Variants in CD59 observed in about 807,000 individuals in gnomAD.
CD59 encodes the protein CD59 molecule (CD59 blood group).
A neutral mutation model predicts 7.0 loss-of-function variants in CD59; 3 were observed. That is an observed-to-expected ratio of 0.43 (90% CI 0.19 to 1.10). CD59 has a LOEUF of 1.10. Among genes scored for constraint, CD59 ranks in the 50% least tolerant of loss-of-function variants. The probability of loss-of-function intolerance (pLI) is 0.29; values close to 1 mark genes in which losing one functional copy is unlikely to be tolerated. For missense variants in CD59, 143 were observed against 151.0 expected (o/e 0.95, Z 0.28); for synonymous variants, 60 against 62.0 (o/e 0.97, Z 0.15).
intron 2 of CD59, among the ~76,000 whole-genome samples, chr11:33,720,437 G>A (rs896310844): frequency 1.1e-4 from 16 of 152,306 alleles, no homozygotes; most frequent in African/African-American, 2.6e-4. Flanking sequence ...AATGGCTCAC[G>A]CCTGTAATCC....
chr11:33,732,898 T>G (rs1440631450), intron 1 of CD59, among the ~76,000 whole-genome samples: 1 of 152,196 alleles, frequency 6.6e-6, no homozygotes, highest in Non-Finnish European at 1.5e-5. Flanking sequence ...TATTTTGGAT[T>G]ATTCAATGGG....
intron 1 of CD59, 72 bp from the exon 2 acceptor site, chr11:33,722,535 TG>T: frequency 1.1e-5 from 17 of 1,589,188 alleles, no homozygotes; most frequent in Non-Finnish European, 1.5e-5. Flanking sequence ...AACCAAGGGC[TG>T]GAAGGCCAAG....
intron 1 of CD59, chr11:33,731,518 G>T (rs1238459204): frequency 2.6e-5 from 4 of 152,160 alleles, no homozygotes; most frequent in African/African-American, 9.7e-5. Context: ...AAACTTTAGG[G>T]AGCATCAGAA....
At chr11:33,731,846 C>A (rs960939349) in intron 1 of CD59, among the ~76,000 whole-genome samples, 1 of 152,212 alleles carries the variant, frequency 6.6e-6, no homozygotes, top group Non-Finnish European at 1.5e-5. Flanking sequence ...TTAGGCAAGA[C>A]CTTGTGATAT....
chr11:33,722,625 G>A (rs900199599), intron 1 of CD59, 162 bp from the exon 2 acceptor site: 2 of 1,495,018 alleles, frequency 1.3e-6, no homozygotes, highest in East Asian at 2.6e-5. Context: ...CTGACCCACA[G>A]CACCATATAC....
intron 2 of CD59, among the ~76,000 whole-genome samples, chr11:33,721,619 T>C (rs1268527183): frequency 6.6e-6 from 1 of 152,156 alleles, no homozygotes; most frequent in Non-Finnish European, 1.5e-5. Flanking sequence ...TTTCCACTGT[T>C]ATAGAAGTTG....
rs1853416445 is a variant in CD59, at chr11:33,708,684, T to G, written c.*1442A>C. On this transcript the variant is annotated 3_prime_UTR_variant, in exon 4 of 4. Coordinates refer to ENST00000642928, the MANE Select transcript of CD59 (RefSeq NM_000611.6). ...AGAGCACCAAGGTAATGCTAAGTTT[T>G]GATAAGCAAGTTTCTATTTTCCTAT... The G allele has an allele frequency of 2.0e-5, 3 of 152,136 alleles. No individual in the cohort carries two copies. The highest frequency in any genetic ancestry group is 6.5e-5 in the Admixed American group (1 of 15,270). 9.4% of individuals were successfully genotyped at this position (152,136 alleles called of 1,614,324 possible). A position where few individuals can be genotyped will look rare whatever the true frequency, so the allele number is the denominator to read the frequency against.
At chr11:33,716,737 A>T (rs920295158) in intron 3 of CD59, among the ~76,000 whole-genome samples, 1 of 152,130 alleles carries the variant, frequency 6.6e-6, no homozygotes, top group African/African-American at 2.4e-5. Flanking sequence ...CCATCCCCAA[A>T]TTCATGAGCA....
chr11:33,717,728 C>G, intron 2 of CD59: 1 of 442,352 alleles, frequency 2.3e-6, no homozygotes, highest in South Asian at 2.1e-5. Context: ...TTCCTCCTAA[C>G]CTGCAACTGG....
intron 1 of CD59, among the ~76,000 whole-genome samples, chr11:33,733,777 C>T (rs1274934934): frequency 1.3e-5 from 2 of 152,220 alleles, no homozygotes; most frequent in Non-Finnish European, 1.5e-5. Flanking sequence ...TTCTGAAATA[C>T]ATTAGTTAAG....
In CD59 at chr11:33,710,258, C is replaced by A. The variant is rs534375493; in HGVS notation, c.255G>T (p.Thr85=). The A allele has an allele frequency of 2.5e-6, 4 of 1,614,148 alleles. No individual in the cohort carries two copies. The South Asian group carries it at 3.3e-5, about 13-fold the overall frequency. ...VTTRLRENEL[T]YYCCKKDLCN... ...ACAGGTCCTTCTTGCAGCAGTAGTACGTTAGCTCATTTTCCCTCAAGCGGG... is the reference window on the plus strand; with the variant it reads ...ACAGGTCCTTCTTGCAGCAGTAGTAAGTTAGCTCATTTTCCCTCAAGCGGG... The change falls in exon 4 of 4, where the codon ACG becomes ACT. Residue 85 remains threonine (T), a synonymous_variant. Coordinates refer to ENST00000642928, the MANE Select transcript of CD59 (RefSeq NM_000611.6).
intron 1 of CD59, among the ~76,000 whole-genome samples, chr11:33,724,292 C>T (rs1342020973): frequency 2.0e-5 from 3 of 152,164 alleles, no homozygotes; most frequent in Non-Finnish European, 4.4e-5. Context: ...ACACACAGGG[C>T]CCCTGATGGG....
rs575561255 is a variant in CD59, at chr11:33,703,340, G to A, written c.*6786C>T. On this transcript the variant is annotated 3_prime_UTR_variant, in exon 4 of 4. Transcript: ENST00000642928. ...CCACGAGGTTAAGGCAAAACCCTACGGTTGTTTCTGCAAACAAATGTCCAG... is the reference window on the plus strand; with the variant it reads ...CCACGAGGTTAAGGCAAAACCCTACAGTTGTTTCTGCAAACAAATGTCCAG... 5 of 152,230 alleles carry A rather than the reference G, an allele frequency of 3.3e-5. No homozygotes were observed. The highest frequency in any genetic ancestry group is 1.2e-4 in the African/African-American group (5 of 41,526). 9.4% of individuals were successfully genotyped at this position (152,230 alleles called of 1,614,324 possible). A position where few individuals can be genotyped will look rare whatever the true frequency, so the allele number is the denominator to read the frequency against.
chr11:33,731,313 C>T (rs1183887297), intron 1 of CD59: 1 of 138,496 alleles, frequency 7.2e-6, no homozygotes, highest in Non-Finnish European at 1.6e-5. Context: ...CACAAATACA[C>T]ATATATATGC....
At position 33,704,856 on chromosome 11, in the gene CD59, T is replaced by C; in HGVS notation, c.*5270A>G. The C allele has an allele frequency of 6.6e-6, 1 of 152,606 alleles. No individual in the cohort carries two copies. Among genetic ancestry groups the C allele is most frequent in the Admixed American group, 6.5e-5 (1 of 15,272 alleles). 9.5% of individuals were successfully genotyped at this position (152,606 alleles called of 1,614,324 possible). A position where few individuals can be genotyped will look rare whatever the true frequency, so the allele number is the denominator to read the frequency against. ...TGACAGGAGGTTGTTTGTGCCACAA[T>C]TTAAGGACCAAGCTATTCTGGGAAG... On this transcript the variant is annotated 3_prime_UTR_variant, in exon 4 of 4. Transcript: ENST00000642928.
At chr11:33,729,849 G>C (rs898567932) in intron 1 of CD59, among the ~76,000 whole-genome samples, 8 of 151,734 alleles carry the variant, frequency 5.3e-5, no homozygotes, top group African/African-American at 1.9e-4. Flanking sequence ...ACCCCAACCG[G>C]CCCCCCAAAT....
At chr11:33,711,306 C>T in intron 3 of CD59, 2 of 657,390 alleles carry the variant, frequency 3.0e-6, no homozygotes, top group Non-Finnish European at 5.5e-6. Flanking sequence ...CTCTCTATTT[C>T]TTTTTTAAAG....
At chr11:33,730,395 CAG>C (rs1024278383) in intron 1 of CD59, among the ~76,000 whole-genome samples, 10 of 152,154 alleles carry the variant, frequency 6.6e-5, no homozygotes, top group African/African-American at 2.4e-4. Context: ...ACCTGGGCGA[CAG>C]AGTAAGACCC....
chr11:33,713,580 T>C (rs1326226003), intron 3 of CD59, among the ~76,000 whole-genome samples: 1 of 152,216 alleles, frequency 6.6e-6, no homozygotes, highest in Non-Finnish European at 1.5e-5. Context: ...CTTCTAATAT[T>C]GTACTAGAGG....
Sources: gnomAD v4.1 joint callset for allele counts (sites outside exome capture counted in the v4.1 genomes callset) on GRCh38, gnomAD v4.1.1 for gene constraint, MANE v1.5 for transcripts, NCBI Gene and HGNC (gene_info 2026-07-23, HGNC 2026-07-21) for gene names.